Variants in DNAH3 observed in about 807,000 individuals in gnomAD.
The protein encoded by DNAH3 is axonemal beta dynein heavy chain 3.
DNAH3 carries 332 observed loss-of-function variants against 432.5 expected under a neutral mutation model. The ratio of observed to expected loss-of-function variants is 0.77; its 90% CI spans 0.70 to 0.84. The LOEUF is 0.84. Ranked by LOEUF, DNAH3 falls within the 40% of genes least tolerant of loss-of-function variation. The pLI, the probability that DNAH3 is intolerant of heterozygous loss-of-function variation, is 0.00. For missense variants in DNAH3, 4,861 were observed against 5,114.0 expected (o/e 0.95, Z 1.51); for synonymous variants, 1,956 against 1,900.2 (o/e 1.03, Z -0.76).
At chr16:21,060,482 G>T in intron 25 of DNAH3, 126 bp from the exon 26 acceptor site, 13 of 546,152 alleles carry the variant, frequency 2.4e-5, no homozygotes, top group East Asian at 1.2e-4. Flanking sequence ...ACCTTTTCAA[G>T]TCAATATTCT....
intron 1 of DNAH3, among the ~76,000 whole-genome samples, chr16:21,148,814 C>A (rs1219781230): frequency 6.6e-6 from 1 of 152,164 alleles, no homozygotes; most frequent in Non-Finnish European, 1.5e-5. Context: ...ATCTAGGCAT[C>A]AATTGCAGAA....
At chr16:21,127,763 A>G (rs2092472113) in exon 8 of DNAH3, 1 of 1,614,076 alleles carries the variant, frequency 6.2e-7, no homozygotes, top group South Asian at 1.1e-5. Flanking sequence ...TGCAGAGGCA[A>G]TTTTCCCGCT....
chr16:21,129,412 G>A (rs2092509726), intron 7 of DNAH3: 1 of 152,202 alleles, frequency 6.6e-6, no homozygotes, highest in Non-Finnish European at 1.5e-5. Context: ...GGGCCAGAAT[G>A]GGTGAGTGCT....
intron 1 of DNAH3, among the ~76,000 whole-genome samples, chr16:21,148,866 C>G (rs1466434964): frequency 6.6e-6 from 1 of 152,126 alleles, no homozygotes. Flanking sequence ...GGCTAAGAAT[C>G]CTCTGTGGCA....
Position 21,086,961 on chromosome 16 carries a change from G to A in DNAH3, c.2765C>T (p.Ala922Val). The change falls in exon 19 of 62, where the codon GCA (alanine) becomes GTA (valine). Residue 922 changes from alanine to valine, a missense_variant. Physicochemically the swap from Ala to Val is moderately conservative, Grantham distance 64. Coordinates refer to ENST00000261383, the Ensembl canonical transcript of DNAH3. Reference sequence around the variant, plus strand: ...CACATTCTCTGCTAAGCGCCTGGGTGCAGGCACATCAGACAAGGTCTTGAT... The same window carrying A: ...CACATTCTCTGCTAAGCGCCTGGGTACAGGCACATCAGACAAGGTCTTGAT... 6.2e-7 allele frequency: 1 copy of A among 1,614,130 alleles called. No individual in the cohort carries two copies. Among genetic ancestry groups the A allele is most frequent in the Non-Finnish European group, 8.5e-7 (1 of 1,179,940 alleles).
intron 40 of DNAH3, among the ~76,000 whole-genome samples, chr16:21,020,397 ATTTTTTTTTTTTT>A (rs56049638): frequency 2.9e-5 from 1 of 34,594 alleles, no homozygotes; most frequent in African/African-American, 1.2e-4. Context: ...ATATATATAT[ATTTTTTTTTTTTT>A]TTTTTTTTTT....
chr16:20,941,647 G>T, intron 58 of DNAH3, 104 bp from the exon 59 acceptor site: 1 of 1,416,014 alleles, frequency 7.1e-7, no homozygotes, highest in Non-Finnish European at 9.6e-7. Flanking sequence ...AATGTATTCT[G>T]TGGGACTTTC....
chr16:21,027,001 C>T (rs757139832), intron 38 of DNAH3, 26 bp downstream of exon 38: 11 of 1,568,324 alleles, frequency 7.0e-6, no homozygotes, highest in Middle Eastern at 1.7e-4. Flanking sequence ...CACTGTCCCC[C>T]GGGGTGCCAG....
At chr16:21,092,999 A>G (rs2091582595) in intron 18 of DNAH3, among the ~76,000 whole-genome samples, 1 of 152,200 alleles carries the variant, frequency 6.6e-6, no homozygotes, top group Admixed American at 6.5e-5. Context: ...GCTTGAGCCC[A>G]GGAATCTGAG....
intron 41 of DNAH3, among the ~76,000 whole-genome samples, chr16:21,005,378 CTCTTT>C (rs1323322300): frequency 7.7e-6 from 1 of 130,342 alleles, no homozygotes; most frequent in Non-Finnish European, 1.6e-5. Context: ...CTCTCTTTTT[CTCTTT>C]TTTCTTTCTT....
chr16:20,971,199 T>A lies in DNAH3; in HGVS notation c.8260-1209A>T, dbSNP rs111370841. Among the ~76,000 whole-genome samples, 19 of 152,248 alleles carry A rather than the reference T, an allele frequency of 1.2e-4. 1 individual carries two copies. The highest frequency in any genetic ancestry group is 4.6e-4 in the African/African-American group (19 of 41,554). Reference sequence around the variant, plus strand: ...CTGAGTTTCTAACAAATCACTTTTTTTTTTTCTTTTTTGGTAAAGAGCAGG... The same window carrying A: ...CTGAGTTTCTAACAAATCACTTTTTATTTTTCTTTTTTGGTAAAGAGCAGG... On this transcript the variant is annotated intron_variant, in intron 51 of 61. Transcript: ENST00000261383.
At chr16:21,030,300 G>A (rs1199141422) in intron 37 of DNAH3, among the ~76,000 whole-genome samples, 1 of 152,088 alleles carries the variant, frequency 6.6e-6, no homozygotes, top group Non-Finnish European at 1.5e-5. Context: ...CCTGACTCTT[G>A]GAAATCACCC....
intron 41 of DNAH3, among the ~76,000 whole-genome samples, chr16:21,010,411 T>A (rs2087536166): frequency 6.6e-6 from 1 of 152,168 alleles, no homozygotes; most frequent in South Asian, 2.1e-4. Flanking sequence ...AGTAAGTGAC[T>A]TTTCAAAGGT....
intron 41 of DNAH3, among the ~76,000 whole-genome samples, chr16:21,016,071 G>A (rs1160088260): frequency 6.6e-6 from 1 of 152,136 alleles, no homozygotes; most frequent in Non-Finnish European, 1.5e-5. Context: ...TTACAGGTGT[G>A]AGCCACTGTG....
chr16:21,008,709 G>A (rs919568008), intron 41 of DNAH3, among the ~76,000 whole-genome samples: 3 of 152,064 alleles, frequency 2.0e-5, no homozygotes, highest in Non-Finnish European at 4.4e-5. Context: ...GATTTCCAGC[G>A]AGAACTCAGA....
chr16:21,056,604 A>G (rs1403299307), intron 27 of DNAH3, among the ~76,000 whole-genome samples: 2 of 152,180 alleles, frequency 1.3e-5, no homozygotes, highest in African/African-American at 2.4e-5. Flanking sequence ...ACCAGCACAG[A>G]GCAGATGCCA....
At chr16:21,098,889 C>T in intron 16 of DNAH3, 120 bp from the exon 17 acceptor site, 1 of 984,338 alleles carries the variant, frequency 1.0e-6, no homozygotes, top group East Asian at 2.5e-5. Context: ...TGCAGATTTC[C>T]TCCCCCAATA....
exon 61 of DNAH3, chr16:20,935,381 G>A (rs1257085143): frequency 6.2e-7 from 1 of 1,613,788 alleles, no homozygotes; most frequent in South Asian, 1.1e-5. Context: ...CAATGGGGAT[G>A]GTATATTTCC....
In DNAH3 at chr16:21,036,075, T is replaced by G. The variant is rs2089151879; in HGVS notation, c.5085+639A>C. 3.3e-5 allele frequency among the ~76,000 whole-genome samples: 5 copies of G among 152,124 alleles called. No individual in the cohort carries two copies. In the South Asian group the frequency reaches 1.0e-3, roughly 32 times the overall value. On this transcript the variant is annotated intron_variant, in intron 35 of 61. Transcript: ENST00000261383. ...CCTAAAATCTCACAGCAAAAAATGA[T>G]GGGATTTGGGAGGCTGAGGTGGGTG... is the stretch of plus-strand genomic sequence containing the variant.
Sources: allele counts gnomAD v4.1 joint callset (sites outside exome capture counted in the v4.1 genomes callset), GRCh38; gene constraint gnomAD v4.1.1; transcripts MANE v1.5; gene names NCBI Gene and HGNC (gene_info 2026-07-23, HGNC 2026-07-21).